Variants in RTL4 observed in about 807,000 individuals in gnomAD.
The protein encoded by RTL4 is retrotransposon Gag like 4.
Under a neutral mutation model 5.3 loss-of-function variants are expected in RTL4, and 4 were observed. That is an observed-to-expected ratio of 0.75 (90% CI 0.37 to 1.72). RTL4 has a LOEUF of 1.72. Among genes scored for constraint, RTL4 ranks in the 40% most tolerant of loss-of-function variants. The probability of loss-of-function intolerance (pLI) is 0.04; values close to 1 mark genes in which losing one functional copy is unlikely to be tolerated. For synonymous variants in RTL4, 98 were observed against 87.3 expected (o/e 1.12, Z -0.68); for missense variants, 260 against 227.1 (o/e 1.14, Z -0.93).
chrX:112,236,219 G>A, the RTL4 span, among the ~76,000 whole-genome samples: 1 of 108,034 alleles, frequency 9.3e-6, no homozygotes, highest in Non-Finnish European at 1.9e-5. Context: ...TCTCAAATGT[G>A]ATTTGCCTAT....
chrX:112,355,044 G>T, the RTL4 span, among the ~76,000 whole-genome samples: 1 of 111,442 alleles, frequency 9.0e-6, no homozygotes, highest in African/African-American at 3.3e-5. Context: ...CGGTGCTGCT[G>T]TTTCTGCTGT....
chrX:112,126,073 T>A, the RTL4 span, among the ~76,000 whole-genome samples: 1 of 111,339 alleles, frequency 9.0e-6, no homozygotes, highest in African/African-American at 3.3e-5. Flanking sequence ...GTAAGGGTGA[T>A]CATCCCATCC....
At chrX:112,408,902 A>G in the RTL4 span, among the ~76,000 whole-genome samples, 1 of 112,395 alleles carries the variant, frequency 8.9e-6, no homozygotes, top group African/African-American at 3.2e-5. Context: ...AAAATCTTTC[A>G]GCCTAGCATA....
At chrX:112,450,163 C>T (rs960612902), upstream of RTL4, among the ~76,000 whole-genome samples, 2 of 112,141 alleles carry the variant, frequency 1.8e-5, no homozygotes, top group African/African-American at 6.5e-5. Flanking sequence ...CTCTTATAAG[C>T]AGCAGGGTAC....
chrX:112,421,129 A>G, the RTL4 span, among the ~76,000 whole-genome samples: 1 of 111,641 alleles, frequency 9.0e-6, no homozygotes, highest in South Asian at 3.8e-4. Context: ...TGTGAGAACA[A>G]GGGCTCTGTT....
At chrX:112,445,324 CAA>C in the RTL4 span, among the ~76,000 whole-genome samples, 1 of 112,435 alleles carries the variant, frequency 8.9e-6, no homozygotes, top group Non-Finnish European at 1.9e-5. Context: ...TTAAGCAACT[CAA>C]GAGACATGTT....
At chrX:112,305,169 T>C in the RTL4 span, among the ~76,000 whole-genome samples, 4 of 102,289 alleles carry the variant, frequency 3.9e-5, no homozygotes, top group Non-Finnish European at 5.8e-5. Flanking sequence ...TATCTTTGTG[T>C]TTTTTTTGTC....
chrX:112,190,309 AT>A, the RTL4 span, among the ~76,000 whole-genome samples: 6 of 109,264 alleles, frequency 5.5e-5, no homozygotes, highest in African/African-American at 2.0e-4. Flanking sequence ...ACCATGTATG[AT>A]TGAAGCAAAA....
At chrX:112,303,515 C>A in the RTL4 span, among the ~76,000 whole-genome samples, 1,653 of 97,920 alleles carry the variant, frequency 0.017, 43 homozygotes, top group African/African-American at 0.06. Context: ...GGACAAAAAA[C>A]CAAACACCGC....
chrX:112,176,819 A>C, the RTL4 span, among the ~76,000 whole-genome samples: 1 of 110,633 alleles, frequency 9.0e-6, no homozygotes, highest in Non-Finnish European at 1.9e-5. Context: ...ACTTCTCTTC[A>C]TCCCCCTTCC....
chrX:112,436,351 A>C, the RTL4 span, among the ~76,000 whole-genome samples: 1 of 111,713 alleles, frequency 9.0e-6, no homozygotes, highest in East Asian at 2.8e-4. Flanking sequence ...AGGATGGAGA[A>C]GGCATAGACA....
At chrX:112,192,799 A>G in the RTL4 span, among the ~76,000 whole-genome samples, 1 of 111,899 alleles carries the variant, frequency 8.9e-6, no homozygotes, top group Non-Finnish European at 1.9e-5. Context: ...AACAACAAAA[A>G]TATTGATACT....
At chrX:112,236,343 G>A in the RTL4 span, among the ~76,000 whole-genome samples, 3 of 99,516 alleles carry the variant, frequency 3.0e-5, no homozygotes, top group East Asian at 3.2e-4. Context: ...AATTAAATGC[G>A]CTTTCTTTCT....
At chrX:112,347,724 A>C in the RTL4 span, among the ~76,000 whole-genome samples, 1 of 111,792 alleles carries the variant, frequency 8.9e-6, no homozygotes, top group Non-Finnish European at 1.9e-5. Flanking sequence ...TCAACCATCA[A>C]ATAAAAAGCC....
the RTL4 span, among the ~76,000 whole-genome samples, chrX:112,244,248 C>A: frequency 9.0e-6 from 1 of 111,451 alleles, no homozygotes; most frequent in Non-Finnish European, 1.9e-5. Context: ...TCCTGGATAT[C>A]CTTGTTAATG....
At chrX:112,197,418 C>T in the RTL4 span, among the ~76,000 whole-genome samples, 1 of 110,078 alleles carries the variant, frequency 9.1e-6, no homozygotes, top group African/African-American at 3.3e-5. Flanking sequence ...TTCAGCATGG[C>T]GGATGGACCA....
the RTL4 span, among the ~76,000 whole-genome samples, chrX:112,302,276 G>A: frequency 2.6e-4 from 23 of 87,693 alleles, no homozygotes; most frequent in African/African-American, 1.0e-3. Context: ...AAAAAAAAAA[G>A]CATTAGCTTT....
At chrX:112,126,491 C>A in the RTL4 span, among the ~76,000 whole-genome samples, 2 of 111,765 alleles carry the variant, frequency 1.8e-5, no homozygotes, top group East Asian at 5.6e-4. Flanking sequence ...AAATCAATAA[C>A]CTAACTTTGC....
At chrX:112,351,894 A>G in the RTL4 span, among the ~76,000 whole-genome samples, 1 of 111,430 alleles carries the variant, frequency 9.0e-6, no homozygotes. Flanking sequence ...TTATGTGTGA[A>G]TTTGATCCTG....
Sources: gnomAD v4.1 joint callset for allele counts (sites outside exome capture counted in the v4.1 genomes callset) on GRCh38, gnomAD v4.1.1 for gene constraint, MANE v1.5 for transcripts, NCBI Gene and HGNC (gene_info 2026-07-23, HGNC 2026-07-21) for gene names.